UBE2G1: variants seen among roughly 807,000 people sequenced by gnomAD.
UBE2G1 encodes ubiquitin conjugating enzyme E2 G1, also known as ubiquitin-conjugating enzyme E2 G1.
Under a neutral mutation model 22.7 loss-of-function variants are expected in UBE2G1, and 5 were observed. The ratio of observed to expected loss-of-function variants is 0.22; its 90% confidence interval spans 0.12 to 0.46. The LOEUF (loss-of-function observed/expected upper bound fraction) is 0.46. Among genes scored for constraint, UBE2G1 ranks in the 20% least tolerant of loss-of-function variants. UBE2G1 has a pLI of 0.99. For missense variants in UBE2G1, 88 were observed against 203.9 expected (o/e 0.43, Z 3.46); for synonymous variants, 74 against 67.5 (o/e 1.10, Z -0.47).
At chr17:4,300,317 C>A (rs1392006168) in intron 2 of UBE2G1, among the ~76,000 whole-genome samples, 1 of 149,456 alleles carries the variant, frequency 6.7e-6, no homozygotes, top group South Asian at 2.1e-4. Flanking sequence ...CTGAGGCGGG[C>A]GGATCACTTG....
Position 4,271,963 on chromosome 17 carries a change from G to A in UBE2G1, c.*591C>T, listed in dbSNP as rs554636651. On this transcript the variant is annotated 3_prime_UTR_variant, in exon 6 of 6. Transcript: ENST00000396981. ...TCAGTATTTGAACTAAATCATTTGA[G>A]AACATTCTGGCAGGTAAGAGATAAA... 1 of 152,688 alleles carries A rather than the reference G, an allele frequency of 6.5e-6. No homozygotes were observed. Among genetic ancestry groups the A allele is most frequent in the Non-Finnish European group, 1.5e-5 (1 of 68,028 alleles). 9.5% of individuals were successfully genotyped at this position (152,688 alleles called of 1,614,324 possible). A position where few individuals can be genotyped will look rare whatever the true frequency, so the allele number is the denominator to read the frequency against.
intron 1 of UBE2G1, 94 bp downstream of exon 1, chr17:4,366,177 C>T (rs2143846361): frequency 4.5e-6 from 6 of 1,346,236 alleles, no homozygotes; most frequent in Non-Finnish European, 5.9e-6. Context: ...GCCCCTTCGG[C>T]AGTACGGCCG....
intron 1 of UBE2G1, among the ~76,000 whole-genome samples, chr17:4,330,967 C>A (rs552175250): frequency 7.2e-6 from 1 of 139,080 alleles, no homozygotes; most frequent in African/African-American, 2.7e-5. Flanking sequence ...CTCTTATAAA[C>A]CTTTAAAACC....
intron 2 of UBE2G1, 137 bp from the exon 3 acceptor site, chr17:4,296,951 GCAGTT>G (rs2143711607): frequency 1.4e-6 from 1 of 696,202 alleles, no homozygotes; most frequent in African/African-American, 1.8e-5. Flanking sequence ...ATTCCCACAG[GCAGTT>G]ACTTTCTCAA....
rs558626776 is a variant in UBE2G1 at position 4,269,595 on chromosome 17, G to T, written c.*2959C>A. The T allele has an allele frequency of 4.3e-5, 8 of 186,132 alleles. No individual in the cohort carries two copies. The highest frequency in any genetic ancestry group is 1.4e-4 in the African/African-American group (6 of 41,542). The allele number at this position is 186,132 out of a possible 1,614,324, so 11.5% of individuals were successfully genotyped here. A position where few individuals can be genotyped will look rare whatever the true frequency, so the allele number is the denominator to read the frequency against. The stretch of plus-strand genomic sequence containing the variant: ...GGCCGTTAAAGATACTGACACCCAC[G>T]TGATCACAGTACTAGTGGAATAACC... On this transcript the variant is annotated 3_prime_UTR_variant, in exon 6 of 6. Transcript: ENST00000396981.
chr17:4,287,887 C>A lies in UBE2G1; in HGVS notation c.426+1343G>T, dbSNP rs72829374. The stretch of plus-strand genomic sequence containing the variant: ...TCTGGATTTAAAAAGAAAAAAAAAA[C>A]TGCAGGATAGGGGCGTGGCAGCTAT... On this transcript the variant is annotated intron_variant, in intron 4 of 5. Transcript: ENST00000396981. Among the ~76,000 whole-genome samples, 406 of 151,474 alleles carry A rather than the reference C, an allele frequency of 2.7e-3. 1 individual carries two copies. The highest frequency in any genetic ancestry group is 6.8e-3 in the Middle Eastern group (2 of 294).
chr17:4,299,827 G>GTT (rs34357475), intron 2 of UBE2G1, among the ~76,000 whole-genome samples: 246 of 116,538 alleles, frequency 2.1e-3, no homozygotes, highest in African/African-American at 6.7e-3. Flanking sequence ...CCTTTTTTTA[G>GTT]TTTTTTTTTT....
chr17:4,275,539 A>G lies in UBE2G1; in HGVS notation c.*38-3023T>C, dbSNP rs578062200. Among the ~76,000 whole-genome samples the G allele has an allele frequency of 9.2e-5, 14 of 151,950 alleles. No individual in the cohort carries two copies. In the South Asian group the frequency reaches 2.9e-3, roughly 31 times the overall value. ...CTTGAGTGTCTTATTCCATTTATTA[A>G]TATTTCTAAAACTAGAGTCGTCTTT... On this transcript the variant is annotated intron_variant, in intron 5 of 5. Coordinates refer to ENST00000396981, the MANE Select transcript of UBE2G1 (RefSeq NM_003342.5).
At chr17:4,340,612 G>A (rs1381794590) in intron 1 of UBE2G1, among the ~76,000 whole-genome samples, 9 of 152,118 alleles carry the variant, frequency 5.9e-5, no homozygotes, top group Non-Finnish European at 1.2e-4. Flanking sequence ...CCATGTTGAA[G>A]AAGGATGTTT....
At chr17:4,298,865 G>C (rs1969140794) in intron 2 of UBE2G1, among the ~76,000 whole-genome samples, 1 of 152,178 alleles carries the variant, frequency 6.6e-6, no homozygotes, top group South Asian at 2.1e-4. Context: ...TTTCACAACT[G>C]ATGAGGTTAT....
chr17:4,362,081 TATA>T (rs2143836866), intron 1 of UBE2G1, among the ~76,000 whole-genome samples: 1 of 152,260 alleles, frequency 6.6e-6, no homozygotes, highest in African/African-American at 2.4e-5. Flanking sequence ...AACCAATGCT[TATA>T]ATACCTTTTC....
chr17:4,299,893 C>T (rs1969154903), intron 2 of UBE2G1, among the ~76,000 whole-genome samples: 2 of 144,466 alleles, frequency 1.4e-5, no homozygotes, highest in African/African-American at 5.2e-5. Context: ...GTGGCGTGAT[C>T]TCGGCTCACT....
chr17:4,290,610 C>T (rs1039991702), intron 3 of UBE2G1, among the ~76,000 whole-genome samples: 11 of 150,654 alleles, frequency 7.3e-5, no homozygotes, highest in Non-Finnish European at 1.6e-4. Flanking sequence ...TAGCTGGGAC[C>T]ATGGGCACAT....
chr17:4,355,597 G>A (rs1391722853), intron 1 of UBE2G1, among the ~76,000 whole-genome samples: 25 of 146,032 alleles, frequency 1.7e-4, no homozygotes, highest in Admixed American at 1.2e-3. Context: ...GGCTGAGATC[G>A]TGCCACTACA....
intron 1 of UBE2G1, among the ~76,000 whole-genome samples, chr17:4,355,416 G>T (rs1237853013): frequency 6.7e-6 from 1 of 150,174 alleles, no homozygotes; most frequent in East Asian, 2.1e-4. Context: ...CGAGGCGGGT[G>T]TATCACCTGA....
chr17:4,328,561 T>C (rs1490771489), intron 1 of UBE2G1, among the ~76,000 whole-genome samples: 1 of 152,236 alleles, frequency 6.6e-6, no homozygotes, highest in African/African-American at 2.4e-5. Flanking sequence ...GATGCTGTCA[T>C]GCTTGCTCCT....
At chr17:4,276,847 A>G (rs1221376391) in intron 5 of UBE2G1, among the ~76,000 whole-genome samples, 1 of 152,222 alleles carries the variant, frequency 6.6e-6, no homozygotes, top group African/African-American at 2.4e-5. Flanking sequence ...CAGTTGAAAC[A>G]AAGGCCTCAG....
intron 1 of UBE2G1, among the ~76,000 whole-genome samples, chr17:4,348,466 T>C (rs1313213260): frequency 1.4e-5 from 2 of 144,392 alleles, no homozygotes; most frequent in African/African-American, 2.6e-5. Flanking sequence ...GGCAGGAGAA[T>C]GGCGTGAATC....
chr17:4,366,357 A>G lies in UBE2G1; in HGVS notation c.-41T>C. Reference sequence around the variant, plus strand: ...CCCGGGCTGGCGCCGGGGCTTCCGAAGGGCTGGGGACAGGCTCTGGGGGCG... The same window carrying G: ...CCCGGGCTGGCGCCGGGGCTTCCGAGGGGCTGGGGACAGGCTCTGGGGGCG... On this transcript the variant is annotated 5_prime_UTR_variant, in exon 1 of 6. Transcript: ENST00000396981. The G allele has an allele frequency of 4.0e-6, 6 of 1,510,468 alleles. No individual in the cohort carries two copies. Among genetic ancestry groups the G allele is most frequent in the Non-Finnish European group, 5.3e-6 (6 of 1,138,760 alleles). 93.6% of individuals were successfully genotyped at this position (1,510,468 alleles called of 1,614,324 possible).
Sources: allele counts gnomAD v4.1 joint callset (sites outside exome capture counted in the v4.1 genomes callset), GRCh38; gene constraint gnomAD v4.1.1; transcripts MANE v1.5; gene names NCBI Gene and HGNC (gene_info 2026-07-23, HGNC 2026-07-21).